KLRG2: variants seen among roughly 807,000 people sequenced by gnomAD.
The protein encoded by KLRG2 is killer cell lectin like receptor G2.
A neutral mutation model predicts 35.4 loss-of-function variants in KLRG2; 39 were observed. That is an observed-to-expected ratio of 1.10 (90% CI 0.85 to 1.44). The LOEUF (loss-of-function observed/expected upper bound fraction) is 1.44, where lower values mean the gene tolerates loss of function less well. Among genes scored for constraint, KLRG2 ranks in the 40% most tolerant of loss-of-function variants. The pLI, the probability that KLRG2 is intolerant of heterozygous loss-of-function variation, is 0.00. For missense variants in KLRG2, 632 were observed against 570.9 expected (o/e 1.11, Z -1.09); for synonymous variants, 283 against 265.8 (o/e 1.06, Z -0.63).
chr7:139,468,437 A>G (rs957877282), intron 3 of KLRG2, among the ~76,000 whole-genome samples: 2 of 152,060 alleles, frequency 1.3e-5, no homozygotes, highest in African/African-American at 4.8e-5. Flanking sequence ...AAGCTCCCCA[A>G]CTGAGCACCT....
At chr7:139,466,278 C>T (rs998627730) in intron 3 of KLRG2, among the ~76,000 whole-genome samples, 2 of 152,110 alleles carry the variant, frequency 1.3e-5, no homozygotes, top group Non-Finnish European at 1.5e-5. Context: ...TGGGTAGAAG[C>T]CTTTCCCACA....
the KLRG2 span, among the ~76,000 whole-genome samples, chr7:139,432,539 G>T: frequency 7.3e-6 from 1 of 136,860 alleles, no homozygotes. Flanking sequence ...GGGATTGATT[G>T]CAGGACCCCC....
the KLRG2 span, among the ~76,000 whole-genome samples, chr7:139,440,636 G>A: frequency 8.5e-4 from 130 of 152,050 alleles, no homozygotes; most frequent in Middle Eastern, 3.4e-3. Flanking sequence ...TTTAAATAGA[G>A]ATATGATCTC....
intron 4 of KLRG2, 117 bp from the exon 5 acceptor site, chr7:139,453,824 G>C: frequency 8.2e-7 from 1 of 1,218,886 alleles, no homozygotes; most frequent in Non-Finnish European, 1.2e-6. Flanking sequence ...CACTGAGTGA[G>C]TCACTGCACT....
At chr7:139,449,294 C>T (rs527412174), downstream of KLRG2, among the ~76,000 whole-genome samples, 4 of 149,870 alleles carry the variant, frequency 2.7e-5, no homozygotes, top group South Asian at 4.2e-4. Flanking sequence ...CCCAGCTACT[C>T]GGAGGCTGAG....
At chr7:139,439,189 T>A in the KLRG2 span, among the ~76,000 whole-genome samples, 1 of 152,206 alleles carries the variant, frequency 6.6e-6, no homozygotes, top group Non-Finnish European at 1.5e-5. Context: ...CACATTGTAG[T>A]ACTGTGTGCC....
At chr7:139,438,832 C>T in the KLRG2 span, among the ~76,000 whole-genome samples, 3,800 of 152,004 alleles carry the variant, frequency 0.025, 80 homozygotes, top group African/African-American at 0.052. Context: ...TGTGCCACCA[C>T]ACCCGGCTAA....
chr7:139,477,545 A>AGC (rs1252081173), intron 3 of KLRG2, among the ~76,000 whole-genome samples: 1 of 152,070 alleles, frequency 6.6e-6, no homozygotes, highest in African/African-American at 2.4e-5. Flanking sequence ...AAAGAGAGAG[A>AGC]GAGAAAAGGC....
intron 1 of KLRG2, 70 bp downstream of exon 1, chr7:139,482,816 C>T: frequency 7.7e-7 from 1 of 1,306,164 alleles, no homozygotes; most frequent in Non-Finnish European, 9.8e-7. Context: ...CAGGGCTGGG[C>T]GGGTGTGGGG....
chr7:139,450,380 C>T (rs943749613), downstream of KLRG2, among the ~76,000 whole-genome samples: 6 of 152,078 alleles, frequency 3.9e-5, no homozygotes, highest in South Asian at 8.3e-4. Context: ...CCTGCCACCA[C>T]GCCCGGCTAA....
chr7:139,458,004 G>A (rs192956111), intron 3 of KLRG2, among the ~76,000 whole-genome samples: 69 of 152,298 alleles, frequency 4.5e-4, no homozygotes, highest in South Asian at 1.2e-3. Context: ...AGAATGGACT[G>A]AAAATCTCAT....
chr7:139,433,143 A>G, the KLRG2 span, among the ~76,000 whole-genome samples: 2 of 152,158 alleles, frequency 1.3e-5, no homozygotes, highest in Non-Finnish European at 2.9e-5. Flanking sequence ...ACTTGGGACA[A>G]TGGTAGCTTT....
At chr7:139,450,368 C>T (rs529077379), downstream of KLRG2, among the ~76,000 whole-genome samples, 13 of 152,150 alleles carry the variant, frequency 8.5e-5, no homozygotes, top group South Asian at 4.1e-4. Flanking sequence ...GGACTACAGG[C>T]GCCTGCCACC....
the KLRG2 span, among the ~76,000 whole-genome samples, chr7:139,428,334 C>G: frequency 6.6e-6 from 1 of 152,132 alleles, no homozygotes; most frequent in Admixed American, 6.6e-5. Flanking sequence ...GTTTTGACCT[C>G]CTGGACTCAA....
At chr7:139,456,994 T>C (rs1796488612) in intron 3 of KLRG2, among the ~76,000 whole-genome samples, 1 of 152,068 alleles carries the variant, frequency 6.6e-6, no homozygotes, top group Non-Finnish European at 1.5e-5. Context: ...ATCCCAGAAG[T>C]GTCACGGAAA....
At chr7:139,481,618 C>A (rs1297760385) in intron 1 of KLRG2, among the ~76,000 whole-genome samples, 1 of 152,168 alleles carries the variant, frequency 6.6e-6, no homozygotes, top group Non-Finnish European at 1.5e-5. Flanking sequence ...CCTACTCCTA[C>A]TCACCTTTCA....
At chr7:139,428,626 A>G in the KLRG2 span, among the ~76,000 whole-genome samples, 15 of 145,586 alleles carry the variant, frequency 1.0e-4, no homozygotes, top group East Asian at 1.9e-4. Flanking sequence ...CAATATGACA[A>G]TCTACTAGGT....
In KLRG2 at chr7:139,454,720, A is replaced by G. The variant is rs1325177964; in HGVS notation, c.1006-506T>C. On this transcript the variant is annotated intron_variant, in intron 3 of 4. Coordinates refer to ENST00000340940, the MANE Select transcript of KLRG2 (RefSeq NM_198508.4). ...AATCCCAGCTACTTGGGAGGCTGAA[A>G]CAGGAGAATCGCTTGAGCCCAGGAG... 9.2e-5 allele frequency among the ~76,000 whole-genome samples: 14 copies of G among 151,478 alleles called. No individual in the cohort carries two copies. The East Asian group carries it at 1.9e-3, about 21-fold the overall frequency.
the KLRG2 span, among the ~76,000 whole-genome samples, chr7:139,444,158 T>C: frequency 6.6e-6 from 1 of 152,224 alleles, no homozygotes; most frequent in African/African-American, 2.4e-5. Flanking sequence ...TGGAGACTGA[T>C]TAGATGGTAC....
Sources: allele counts gnomAD v4.1 joint callset (sites outside exome capture counted in the v4.1 genomes callset), GRCh38; gene constraint gnomAD v4.1.1; transcripts MANE v1.5; gene names NCBI Gene and HGNC (gene_info 2026-07-23, HGNC 2026-07-21).